AGPAT3: variants seen among roughly 807,000 people sequenced by gnomAD.
The protein encoded by AGPAT3 is 1-acyl-sn-glycerol-3-phosphate acyltransferase gamma.
AGPAT3 carries 5 observed loss-of-function variants against 47.3 expected under a neutral mutation model. That is an observed-to-expected ratio of 0.11 (90% CI 0.06 to 0.22). The LOEUF is 0.22. Ranked by LOEUF, AGPAT3 falls within the 10% of genes least tolerant of loss-of-function variation. AGPAT3 has a pLI of 1.00. For synonymous variants in AGPAT3, 212 were observed against 208.3 expected (o/e 1.02, Z -0.15); for missense variants, 315 against 493.0 (o/e 0.64, Z 3.42).
chr21:43,936,631 C>T (rs1043547442), intron 2 of AGPAT3, among the ~76,000 whole-genome samples: 6 of 152,280 alleles, frequency 3.9e-5, no homozygotes, highest in African/African-American at 9.6e-5. Context: ...TGTTCTATCA[C>T]AGCCGAAAAG....
At chr21:43,969,609 C>T (rs546852291) in intron 5 of AGPAT3, among the ~76,000 whole-genome samples, 5 of 152,364 alleles carry the variant, frequency 3.3e-5, no homozygotes, top group Non-Finnish European at 7.4e-5. Flanking sequence ...TCTGTCCCTT[C>T]TTCCTGGTCT....
intron 3 of AGPAT3, chr21:43,960,876 C>G: frequency 1.6e-6 from 1 of 632,300 alleles, no homozygotes; most frequent in Non-Finnish European, 2.0e-6. Context: ...CATGGTGGCT[C>G]ATGCCTGTAA....
chr21:43,884,261 C>G (rs1393550685), intron 1 of AGPAT3, among the ~76,000 whole-genome samples: 3 of 146,956 alleles, frequency 2.0e-5, no homozygotes, highest in African/African-American at 7.5e-5. Context: ...CCTCCTTCCC[C>G]CTCCTTCCCC....
At chr21:43,907,423 T>C (rs1410434540) in intron 2 of AGPAT3, among the ~76,000 whole-genome samples, 1 of 152,064 alleles carries the variant, frequency 6.6e-6, no homozygotes, top group Admixed American at 6.6e-5. Flanking sequence ...AAGTTTCCCA[T>C]AAAACTGTGC....
intron 2 of AGPAT3, among the ~76,000 whole-genome samples, chr21:43,931,842 G>A (rs538307286): frequency 6.6e-6 from 1 of 151,928 alleles, no homozygotes; most frequent in Non-Finnish European, 1.5e-5. Context: ...TAAAGAGCAT[G>A]ATGAAAAGCT....
chr21:43,979,843 C>T (rs77824446), intron 8 of AGPAT3, among the ~76,000 whole-genome samples: 2,290 of 152,260 alleles, frequency 0.015, 56 homozygotes, highest in African/African-American at 0.047. Flanking sequence ...TGCCTTTGCA[C>T]GGACACAGTG....
chr21:43,937,590 G>T (rs919216591), intron 2 of AGPAT3, among the ~76,000 whole-genome samples: 3 of 152,136 alleles, frequency 2.0e-5, no homozygotes, highest in Non-Finnish European at 4.4e-5. Context: ...TGGAGACAGG[G>T]TCTCCCTCTG....
At chr21:43,865,836 C>G (rs949418097) in intron 1 of AGPAT3, among the ~76,000 whole-genome samples, 1 of 151,374 alleles carries the variant, frequency 6.6e-6, no homozygotes, top group Non-Finnish European at 1.5e-5. Flanking sequence ...GGACCCGGGA[C>G]CCCCCCCAGG....
intron 3 of AGPAT3, 124 bp from the exon 4 acceptor site, chr21:43,967,822 A>G (rs751767483): frequency 1.9e-5 from 19 of 995,782 alleles, no homozygotes; most frequent in Non-Finnish European, 2.7e-5. Context: ...TAAGTCATCA[A>G]AACTCATGTT....
In AGPAT3 at chr21:43,982,413, C is replaced by T. The variant is rs1265191024; in HGVS notation, c.*21C>T. 1 of 1,573,646 alleles carries T rather than the reference C, an allele frequency of 6.4e-7. No individual in the cohort carries two copies. Among genetic ancestry groups the T allele is most frequent in the Non-Finnish European group, 8.7e-7 (1 of 1,143,850 alleles). On this transcript the variant is annotated 3_prime_UTR_variant, in exon 10 of 10. Coordinates refer to ENST00000291572, the MANE Select transcript of AGPAT3 (RefSeq NM_020132.5). The surrounding 1 kb of genome is among the most constrained non-coding windows in gnomAD (Gnocchi z 6.2). ...AATAATTAATGGCTGTGACTGAACA[C>T]ACGCGGCCCTGACGGTGGTATCCAG...
Position 43,882,356 on chromosome 21 carries a change from C to G in AGPAT3, c.-112+17011C>G, listed in dbSNP as rs79054349. Among the ~76,000 whole-genome samples, 51 of 152,390 alleles carry G rather than the reference C, an allele frequency of 3.3e-4. 2 individuals are homozygous for G. The East Asian group carries it at 9.0e-3, about 27-fold the overall frequency. On this transcript the variant is annotated intron_variant, in intron 1 of 9. Transcript: ENST00000291572. ...GATTGCACTCAGGATTTCAGATTGA[C>G]ACGTATTTCCATCTGGAAACTCTTG...
chr21:43,950,593 G>C (rs140272445), intron 2 of AGPAT3: 1 of 152,234 alleles, frequency 6.6e-6, no homozygotes, highest in Non-Finnish European at 1.5e-5. Flanking sequence ...CGAGATCAGC[G>C]TGGGCCACAG....
chr21:43,945,799 C>T (rs913150785), intron 2 of AGPAT3, among the ~76,000 whole-genome samples: 16 of 152,226 alleles, frequency 1.1e-4, no homozygotes, highest in Non-Finnish European at 2.1e-4. Context: ...ATAATGAGTA[C>T]ACCTTTAAGG....
intron 1 of AGPAT3, among the ~76,000 whole-genome samples, chr21:43,871,121 A>G (rs1309156966): frequency 6.6e-6 from 1 of 152,272 alleles, no homozygotes; most frequent in African/African-American, 2.4e-5. Context: ...TACTGTTTTT[A>G]CAGTCTCTGG....
In AGPAT3 at chr21:43,908,303, A is replaced by C. The variant is rs1309321745; in HGVS notation, c.-49+4284A>C. ...CCAGCCCTGAGGACTCTGGGGAAGGAATGCCTGTCGTGAGCGGAACCAGCC... is the reference window on the plus strand; with the variant it reads ...CCAGCCCTGAGGACTCTGGGGAAGGCATGCCTGTCGTGAGCGGAACCAGCC... On this transcript the variant is annotated intron_variant, in intron 2 of 9. Coordinates refer to ENST00000291572, the MANE Select transcript of AGPAT3 (RefSeq NM_020132.5). The surrounding 1 kb of genome is among the most constrained non-coding windows in gnomAD (Gnocchi z 4.9). Among the ~76,000 whole-genome samples, 4 of 152,066 alleles carry C rather than the reference A, an allele frequency of 2.6e-5. No individual in the cohort carries two copies. The East Asian group carries it at 7.7e-4, about 29-fold the overall frequency.
intron 8 of AGPAT3, among the ~76,000 whole-genome samples, chr21:43,979,419 G>T (rs545193431): frequency 1.3e-5 from 2 of 151,364 alleles, no homozygotes; most frequent in African/African-American, 2.4e-5. Flanking sequence ...GCAGCACCAT[G>T]CCCACCTGGT....
intron 2 of AGPAT3, among the ~76,000 whole-genome samples, chr21:43,942,627 AG>A (rs1263608541): frequency 6.6e-6 from 1 of 152,230 alleles, no homozygotes; most frequent in African/African-American, 2.4e-5. Flanking sequence ...TCATCTTCAG[AG>A]ACCTGTTCTT....
rs1285799412 is a variant in AGPAT3 at position 43,960,831 on chromosome 21, T to C, written c.178+972T>C. 4.2e-6 allele frequency: 4 copies of C among 944,142 alleles called. No individual in the cohort carries two copies. The African/African-American group carries it at 7.1e-5, about 17-fold the overall frequency. 58.5% of individuals were successfully genotyped at this position (944,142 alleles called of 1,614,324 possible). ...AAGAAAGGATGCTGTGTGTGTGGTG[T>C]GTACATGTGTGGAAAAATCCCAGAA... On this transcript the variant is annotated intron_variant, in intron 3 of 9. Transcript: ENST00000291572.
chr21:43,890,381 C>T (rs950191243), intron 1 of AGPAT3, among the ~76,000 whole-genome samples: 10 of 152,076 alleles, frequency 6.6e-5, no homozygotes, highest in African/African-American at 1.9e-4. Context: ...GAATTGTGAG[C>T]CAATTCAACC....
Sources: allele counts gnomAD v4.1 joint callset (sites outside exome capture counted in the v4.1 genomes callset), GRCh38; gene constraint gnomAD v4.1.1; non-coding constraint Gnocchi (gnomAD v3.1); transcripts MANE v1.5; gene names NCBI Gene and HGNC (gene_info 2026-07-23, HGNC 2026-07-21).